ERBB4: variants seen among roughly 807,000 people sequenced by gnomAD.
ERBB4 encodes the protein receptor tyrosine-protein kinase erbB-4.
ERBB4 carries 42 observed loss-of-function variants against 158.0 expected under a neutral mutation model. The observed-to-expected ratio is 0.27, with a 90% confidence interval of 0.21 to 0.34. The LOEUF (loss-of-function observed/expected upper bound fraction) is 0.34. Among genes scored for constraint, ERBB4 ranks in the 10% least tolerant of loss-of-function variants. The probability of loss-of-function intolerance (pLI) is 1.00; values close to 1 mark genes in which losing one functional copy is unlikely to be tolerated. For synonymous variants in ERBB4, 583 were observed against 558.7 expected, an observed-to-expected ratio of 1.04 and a Z score of -0.61; for missense variants, 1,333 against 1,624.1, an observed-to-expected ratio of 0.82 and a Z score of 3.08.
intron 26 of ERBB4, among the ~76,000 whole-genome samples, chr2:211,387,744 C>G (rs963652675): frequency 7.9e-5 from 12 of 152,162 alleles, no homozygotes; most frequent in Admixed American, 6.5e-4. Context: ...TTGAAAGCTA[C>G]TGTTGATGCA....
chr2:212,271,223 C>T (rs1023810645), intron 1 of ERBB4, among the ~76,000 whole-genome samples: 1 of 151,528 alleles, frequency 6.6e-6, no homozygotes, highest in Non-Finnish European at 1.5e-5. Flanking sequence ...TAATGCCTGA[C>T]AAAACAAGTA....
At chr2:212,266,104 G>T (rs1463549242) in intron 1 of ERBB4, among the ~76,000 whole-genome samples, 1 of 151,480 alleles carries the variant, frequency 6.6e-6, no homozygotes, top group Non-Finnish European at 1.5e-5. Context: ...TCAATTGCAT[G>T]CCCCCCTCTC....
chr2:212,176,055 T>A (rs2081652849), intron 1 of ERBB4, among the ~76,000 whole-genome samples: 1 of 152,012 alleles, frequency 6.6e-6, no homozygotes, highest in Non-Finnish European at 1.5e-5. Flanking sequence ...CTTAAAATCA[T>A]GCAATAGTTT....
chr2:212,455,204 C>T (rs2106039985), intron 1 of ERBB4, among the ~76,000 whole-genome samples: 1 of 124,212 alleles, frequency 8.1e-6, no homozygotes, highest in South Asian at 2.5e-4. Flanking sequence ...TCATTTTTCT[C>T]CCACCTTTCC....
intron 3 of ERBB4, among the ~76,000 whole-genome samples, chr2:211,832,757 G>A (rs2077251698): frequency 6.6e-6 from 1 of 150,646 alleles, no homozygotes; most frequent in Non-Finnish European, 1.5e-5. Flanking sequence ...GGGAGCGAGG[G>A]GTCAGAGGAT....
chr2:211,951,281 A>C (rs2080867939), intron 2 of ERBB4, among the ~76,000 whole-genome samples: 3 of 152,148 alleles, frequency 2.0e-5, no homozygotes, highest in African/African-American at 7.2e-5. Context: ...TTCAGGTAAA[A>C]GAAGAAGTTT....
chr2:211,912,231 T>C (rs979040423), intron 3 of ERBB4, among the ~76,000 whole-genome samples: 4 of 152,112 alleles, frequency 2.6e-5, no homozygotes, highest in African/African-American at 7.2e-5. Context: ...TGCACATCTT[T>C]AGGCAGGTGA....
At chr2:211,965,082 C>A (rs2081276083) in intron 2 of ERBB4, among the ~76,000 whole-genome samples, 1 of 152,098 alleles carries the variant, frequency 6.6e-6, no homozygotes, top group Admixed American at 6.6e-5. Context: ...TACATGATTA[C>A]CTAATTTGTA....
In ERBB4 at chr2:211,828,816, C is replaced by T. The variant is rs1575208106; in HGVS notation, c.422-40657G>A. The stretch of plus-strand genomic sequence containing the variant: ...GCACACACTGGCTCTTCCCAGGTCT[C>T]ACTCCACCTTTTCCTTCCTGCCAAG... On this transcript the variant is annotated intron_variant, in intron 3 of 27. Coordinates refer to ENST00000342788, the MANE Select transcript of ERBB4 (RefSeq NM_005235.3). Among the ~76,000 whole-genome samples, 3 of 152,192 alleles carry T rather than the reference C, an allele frequency of 2.0e-5. No individual in the cohort carries two copies. The South Asian group carries it at 6.2e-4, about 32-fold the overall frequency.
chr2:211,433,574 C>T (rs575727074), intron 20 of ERBB4, among the ~76,000 whole-genome samples: 42 of 138,972 alleles, frequency 3.0e-4, no homozygotes, highest in Admixed American at 1.1e-3. Flanking sequence ...GAGTGAGACT[C>T]TCAAAAAAAA....
chr2:211,459,833 C>T (rs1048064141), intron 20 of ERBB4, among the ~76,000 whole-genome samples: 2 of 151,980 alleles, frequency 1.3e-5, no homozygotes, highest in Admixed American at 6.6e-5. Context: ...TAGTTTATCT[C>T]GTTGTTTATA....
At chr2:211,690,621 T>C (rs1294438703) in intron 12 of ERBB4, among the ~76,000 whole-genome samples, 3 of 152,212 alleles carry the variant, frequency 2.0e-5, no homozygotes, top group African/African-American at 7.2e-5. Context: ...TGGTTGATCA[T>C]TTTCTCTAGA....
chr2:211,387,085 G>T lies in ERBB4; in HGVS notation c.3249C>A (p.Ala1083=), dbSNP rs777486925. 1.6e-5 allele frequency: 26 copies of T among 1,613,828 alleles called. No individual in the cohort carries two copies. In the East Asian group the frequency reaches 2.7e-4, roughly 17 times the overall value. Residue 1083 remains alanine, a synonymous_variant, in exon 27 of 28, where the codon GCC becomes GCA. Transcript: ENST00000342788. ...GAGCTTCTGGAATTGTGCTAGTTGGGGCTCTGTAGGGCACAGACACTCCTT... is the reference window on the plus strand; with the variant it reads ...GAGCTTCTGGAATTGTGCTAGTTGGTGCTCTGTAGGGCACAGACACTCCTT... The part of the protein sequence containing the change: ...AEQGVSVPYR[A]PTSTIPEAPV...
At chr2:212,518,091 A>G (rs989523242) in intron 1 of ERBB4, among the ~76,000 whole-genome samples, 4 of 152,082 alleles carry the variant, frequency 2.6e-5, no homozygotes, top group Admixed American at 6.6e-5. Context: ...ACTACAAGAT[A>G]CATATTTAAT....
chr2:211,602,877 G>A (rs1375207787), intron 19 of ERBB4, among the ~76,000 whole-genome samples: 1 of 152,042 alleles, frequency 6.6e-6, no homozygotes, highest in Non-Finnish European at 1.5e-5. Context: ...ATTACAGCTG[G>A]GCCAATGACC....
chr2:211,682,584 T>A (rs902236627), intron 12 of ERBB4, among the ~76,000 whole-genome samples: 1 of 152,196 alleles, frequency 6.6e-6, no homozygotes, highest in African/African-American at 2.4e-5. Context: ...TATTCAGTTT[T>A]TGTATATGGA....
intron 2 of ERBB4, among the ~76,000 whole-genome samples, chr2:211,994,285 C>T (rs2082145663): frequency 6.6e-6 from 1 of 151,848 alleles, no homozygotes; most frequent in Admixed American, 6.6e-5. Flanking sequence ...CACATGCCAC[C>T]ACACTCAGCT....
intron 2 of ERBB4, among the ~76,000 whole-genome samples, chr2:211,978,167 A>ACTG (rs1181319057): frequency 2.0e-5 from 3 of 151,942 alleles, no homozygotes; most frequent in African/African-American, 7.3e-5. Context: ...TATGAAAGAG[A>ACTG]CTGCAGAATT....
chr2:211,780,416 G>A, intron 4 of ERBB4, among the ~76,000 whole-genome samples: 1 of 152,114 alleles, frequency 6.6e-6, no homozygotes, highest in East Asian at 1.9e-4. Flanking sequence ...ATTGAAAACT[G>A]TACTCAAAAA....
Sources: gnomAD v4.1 joint callset for allele counts (sites outside exome capture counted in the v4.1 genomes callset) on GRCh38, gnomAD v4.1.1 for gene constraint, MANE v1.5 for transcripts, NCBI Gene and HGNC (gene_info 2026-07-23, HGNC 2026-07-21) for gene names.